HIVEP2: variants seen among roughly 807,000 people sequenced by gnomAD.
HIVEP2 encodes transcription factor HIVEP2.
Under a neutral mutation model 180.7 loss-of-function variants are expected in HIVEP2, and 14 were observed. The observed-to-expected ratio is 0.08, with a 90% confidence interval of 0.05 to 0.12. The LOEUF is 0.12. Among genes scored for constraint, HIVEP2 ranks in the 10% least tolerant of loss-of-function variants. The pLI is 1.00. For synonymous variants in HIVEP2, 1,184 were observed against 1,136.4 expected (o/e 1.04, Z -0.84); for missense variants, 2,579 against 3,008.5 (o/e 0.86, Z 3.34).
At chr6:142,758,311 G>A (rs532007981) in intron 9 of HIVEP2, among the ~76,000 whole-genome samples, 38 of 152,340 alleles carry the variant, frequency 2.5e-4, no homozygotes, top group African/African-American at 8.7e-4. Flanking sequence ...CCAGACTTGT[G>A]AAAAGATGGT....
chr6:142,913,026 T>C (rs530861139), intron 1 of HIVEP2, among the ~76,000 whole-genome samples: 1 of 152,280 alleles, frequency 6.6e-6, no homozygotes, highest in Non-Finnish European at 1.5e-5. Context: ...ATTGGAGGTA[T>C]TGTTATCCCC....
intron 1 of HIVEP2, among the ~76,000 whole-genome samples, chr6:142,858,924 T>C (rs1008991295): frequency 6.6e-6 from 1 of 152,154 alleles, no homozygotes; most frequent in African/African-American, 2.4e-5. Flanking sequence ...CCCACCTCTC[T>C]GGAAACCCTC....
At chr6:142,936,037 A>G (rs1156329570) in intron 1 of HIVEP2, among the ~76,000 whole-genome samples, 3 of 151,762 alleles carry the variant, frequency 2.0e-5, no homozygotes, top group African/African-American at 7.3e-5. Flanking sequence ...ATTTGAGCCC[A>G]GGAGGTCGAG....
At chr6:142,911,139 T>TAAAAAAAAAAAAAAAAAAA (rs5880554) in intron 1 of HIVEP2, among the ~76,000 whole-genome samples, 1 of 106,230 alleles carries the variant, frequency 9.4e-6, no homozygotes, top group African/African-American at 3.9e-5. Context: ...ACAAACACAT[T>TAAAAAAAAAAAAAAAAAAA]AAAAAAAAAA....
At chr6:142,913,150 T>A (rs1370792164) in intron 1 of HIVEP2, among the ~76,000 whole-genome samples, 1 of 152,194 alleles carries the variant, frequency 6.6e-6, no homozygotes, top group Non-Finnish European at 1.5e-5. Context: ...ACCGAACTGC[T>A]TAGCTTAGGA....
At chr6:142,831,252 G>C (rs1775072056) in intron 2 of HIVEP2, among the ~76,000 whole-genome samples, 1 of 152,196 alleles carries the variant, frequency 6.6e-6, no homozygotes. Context: ...TCCTCAGCCT[G>C]GGATTCGAGT....
At chr6:142,940,738 A>C (rs1368615528) in intron 1 of HIVEP2, among the ~76,000 whole-genome samples, 1 of 152,222 alleles carries the variant, frequency 6.6e-6, no homozygotes. Flanking sequence ...GAGAGAGTGA[A>C]TTGCATTGAC....
At position 142,773,657 on chromosome 6, in the gene HIVEP2, T is replaced by C; in HGVS notation, c.1082A>G (p.Asp361Gly). ...PNPSLNTKAD[D>G]SHTVKQKLAL... ...AAGTTTCTGTTTGACTGTGTGCGAATCATCAGCCTTAGTATTTAAAGATGG... is the reference window on the plus strand; with the variant it reads ...AAGTTTCTGTTTGACTGTGTGCGAACCATCAGCCTTAGTATTTAAAGATGG... The change falls in exon 5 of 10, where the codon GAT becomes GGT. Residue 361 changes from aspartate to glycine, a missense_variant. Asp to Gly is a moderately conservative substitution (Grantham distance 94). This residue lies in a region of HIVEP2 where 47 missense variants were observed against 92.5 expected (regional missense o/e 0.51). Transcript: ENST00000367603. The C allele has an allele frequency of 1.1e-5, 18 of 1,614,202 alleles. No homozygotes were observed. Among genetic ancestry groups the C allele is most frequent in the Non-Finnish European group, 1.5e-5 (18 of 1,180,036 alleles).
intron 1 of HIVEP2, among the ~76,000 whole-genome samples, chr6:142,883,186 A>T (rs1008593839): frequency 5.3e-5 from 8 of 152,082 alleles, no homozygotes; most frequent in Admixed American, 5.2e-4. Flanking sequence ...AAAGCTCTGC[A>T]CATGGAGAGA....
At chr6:142,757,334 C>T (rs1192357661) in intron 9 of HIVEP2, among the ~76,000 whole-genome samples, 3 of 152,166 alleles carry the variant, frequency 2.0e-5, no homozygotes, top group Non-Finnish European at 2.9e-5. Flanking sequence ...CCAAAAGCAT[C>T]ATAAATGATA....
intron 1 of HIVEP2, among the ~76,000 whole-genome samples, chr6:142,873,968 T>C (rs1776362417): frequency 6.6e-6 from 1 of 152,162 alleles, no homozygotes; most frequent in Admixed American, 6.5e-5. Context: ...GACTTCGGTC[T>C]GAAATGGGAG....
At chr6:142,766,395 C>G (rs191955188) in intron 6 of HIVEP2, among the ~76,000 whole-genome samples, 1 of 152,076 alleles carries the variant, frequency 6.6e-6, no homozygotes, top group African/African-American at 2.4e-5. Flanking sequence ...TTATCTTTGT[C>G]TTTTGCAATA....
intron 1 of HIVEP2, among the ~76,000 whole-genome samples, chr6:142,838,917 A>T (rs1775292396): frequency 6.6e-6 from 1 of 152,094 alleles, no homozygotes; most frequent in Non-Finnish European, 1.5e-5. Flanking sequence ...TTTCACCTGT[A>T]TTGCAGCAAC....
chr6:142,945,707 T>C (rs148542332), upstream of HIVEP2, among the ~76,000 whole-genome samples: 1,301 of 152,206 alleles, frequency 8.5e-3, 12 homozygotes, highest in Middle Eastern at 0.037. The surrounding 1 kb of genome is among the most constrained non-coding windows in gnomAD (Gnocchi z 5.5). Context: ...CCGAAGATGT[T>C]TGTGCGGAGA....
chr6:142,818,761 G>GA (rs1359720473), intron 2 of HIVEP2, among the ~76,000 whole-genome samples: 1 of 113,336 alleles, frequency 8.8e-6, no homozygotes, highest in African/African-American at 3.4e-5. Flanking sequence ...AAGAAAGAAA[G>GA]AAAGAAAGAA....
chr6:142,800,740 A>C (rs573729260), intron 2 of HIVEP2, among the ~76,000 whole-genome samples: 1 of 152,268 alleles, frequency 6.6e-6, no homozygotes, highest in African/African-American at 2.4e-5. Flanking sequence ...AGATATTTAG[A>C]TCTATGAAAA....
In HIVEP2 at chr6:142,770,109, G is replaced by A. The variant is rs1775486590; in HGVS notation, c.4630C>T (p.Leu1544Phe). The A allele has an allele frequency of 6.2e-7, 1 of 1,614,242 alleles. No homozygotes were observed. Among genetic ancestry groups the A allele is most frequent in the Non-Finnish European group, 8.5e-7 (1 of 1,180,042 alleles). The change falls in exon 5 of 10, where the codon CTT (leucine) becomes TTT (phenylalanine). Residue 1544 changes from leucine (L) to phenylalanine (F), a missense_variant. Around this residue, in one of 11 missense-constraint regions of HIVEP2, gnomAD observed 349 missense variants for 367.2 expected, o/e 0.95. Transcript: ENST00000367603. The surrounding 1 kb of genome is among the most constrained non-coding windows in gnomAD (Gnocchi z 4.7). ...REPFLPSKEMLSGSRAPLPGQ... is the reference protein window; with the variant it reads ...REPFLPSKEMFSGSRAPLPGQ... ...GGAAGTGGTGCCCGGGAACCGGAAA[G>A]CATCTCCTTGCTGGGCAGGAATGGC...
At chr6:142,906,789 C>G (rs1387657088) in intron 1 of HIVEP2, among the ~76,000 whole-genome samples, 1 of 151,986 alleles carries the variant, frequency 6.6e-6, no homozygotes, top group Non-Finnish European at 1.5e-5. Flanking sequence ...ATAACTATTT[C>G]AAGTGTATGA....
chr6:142,795,187 T>C (rs1776252606), intron 2 of HIVEP2, among the ~76,000 whole-genome samples: 1 of 152,188 alleles, frequency 6.6e-6, no homozygotes, highest in African/African-American at 2.4e-5. Context: ...TGAAAAATTA[T>C]AATAAATTAA....
Sources: allele counts gnomAD v4.1 joint callset (sites outside exome capture counted in the v4.1 genomes callset), GRCh38; gene constraint gnomAD v4.1.1; regional missense constraint gnomAD v4.1.1; non-coding constraint Gnocchi (gnomAD v3.1); transcripts MANE v1.5; gene names NCBI Gene and HGNC (gene_info 2026-07-23, HGNC 2026-07-21).